INSL6: variants seen among roughly 807,000 people sequenced by gnomAD.
The protein encoded by INSL6 is insulin like 6.
A neutral mutation model predicts 9.4 loss-of-function variants in INSL6; 16 were observed. The observed-to-expected ratio is 1.70, with a 90% CI of 1.15 to 2.59. INSL6 has a LOEUF of 2.59. INSL6 is among the 30% of genes most tolerant of loss of function. The pLI, the probability that INSL6 is intolerant of heterozygous loss-of-function variation, is 0.00. For missense variants in INSL6, 391 were observed against 257.3 expected, an observed-to-expected ratio of 1.52 and a Z score of -3.56; for synonymous variants, 154 against 96.9, an observed-to-expected ratio of 1.59 and a Z score of -3.46.
chr9:5,137,397 G>C (rs1241379407), intron 2 of INSL6, among the ~76,000 whole-genome samples: 2 of 152,128 alleles, frequency 1.3e-5, no homozygotes, highest in East Asian at 1.9e-4. Context: ...TAACAAAACA[G>C]CATGGTATTG....
chr9:5,027,555 T>C, the INSL6 span, among the ~76,000 whole-genome samples: 1 of 152,134 alleles, frequency 6.6e-6, no homozygotes, highest in African/African-American at 2.4e-5. Context: ...ACAATGAAGG[T>C]TGCTGCATCA....
chr9:5,085,097 G>A, the INSL6 span: 1 of 657,910 alleles, frequency 1.5e-6, no homozygotes, highest in Non-Finnish European at 2.9e-6. Context: ...TGGCAGTACT[G>A]CTGGGCAAGG....
chr9:5,022,081 A>G, the INSL6 span: 11 of 1,613,998 alleles, frequency 6.8e-6, no homozygotes, highest in East Asian at 2.2e-5. Context: ...TGCCAATTCT[A>G]TGAAGCAAAT....
chr9:5,174,729 T>G (rs909362785), intron 1 of INSL6, among the ~76,000 whole-genome samples: 6 of 152,230 alleles, frequency 3.9e-5, no homozygotes, highest in African/African-American at 1.4e-4. Context: ...CAGATTTATA[T>G]ACCTTACTTC....
the INSL6 span, among the ~76,000 whole-genome samples, chr9:5,102,044 C>T: frequency 1.7e-4 from 26 of 152,114 alleles, no homozygotes; most frequent in African/African-American, 3.4e-4. Context: ...ATGACTTTGA[C>T]GAGCTGACAG....
chr9:5,084,640 T>C, the INSL6 span, among the ~76,000 whole-genome samples: 12 of 152,212 alleles, frequency 7.9e-5, no homozygotes, highest in Non-Finnish European at 1.5e-5. Context: ...TGTTTTTTGC[T>C]TTCTTCCTTT....
the INSL6 span, among the ~76,000 whole-genome samples, chr9:4,996,702 C>G: frequency 6.6e-6 from 1 of 151,872 alleles, no homozygotes; most frequent in African/African-American, 2.4e-5. Context: ...GCCTTCACCC[C>G]TACCCCTCCC....
the INSL6 span, among the ~76,000 whole-genome samples, chr9:5,010,209 G>A: frequency 9.9e-5 from 15 of 152,138 alleles, no homozygotes; most frequent in East Asian, 9.6e-4. Context: ...CCATGAATTC[G>A]TTTATATAAA....
intron 2 of INSL6, among the ~76,000 whole-genome samples, chr9:5,147,027 A>G (rs758452946): frequency 1.1e-4 from 17 of 152,136 alleles, no homozygotes; most frequent in Non-Finnish European, 1.8e-4. Context: ...ACCAGGTCCA[A>G]CAGTTTCCCT....
chr9:5,123,682 G>C (rs1823781899), downstream of INSL6, among the ~76,000 whole-genome samples: 1 of 151,848 alleles, frequency 6.6e-6, no homozygotes, highest in African/African-American at 2.4e-5. Flanking sequence ...TGGGAATGCT[G>C]GATCGAATGG....
At chr9:5,157,932 A>T (rs1214245328) in intron 2 of INSL6, among the ~76,000 whole-genome samples, 1 of 152,166 alleles carries the variant, frequency 6.6e-6, no homozygotes, top group Non-Finnish European at 1.5e-5. Flanking sequence ...TTTTAAGGAA[A>T]CCCAAATAAA....
chr9:5,010,087 T>A, the INSL6 span, among the ~76,000 whole-genome samples: 1 of 152,332 alleles, frequency 6.6e-6, no homozygotes, highest in East Asian at 1.9e-4. Flanking sequence ...ATGTTTTAAA[T>A]AGAGTCTATT....
At chr9:5,111,800 G>A in the INSL6 span, 4 of 423,442 alleles carry the variant, frequency 9.4e-6, no homozygotes, top group African/African-American at 2.1e-5. Flanking sequence ...CTTGGCCCCC[G>A]GAGCCACGTA....
At chr9:5,020,056 G>T in the INSL6 span, among the ~76,000 whole-genome samples, 1 of 152,180 alleles carries the variant, frequency 6.6e-6, no homozygotes, top group Non-Finnish European at 1.5e-5. Flanking sequence ...GCAGTGATGG[G>T]CTGGGCAGCT....
At chr9:4,999,956 A>T in the INSL6 span, among the ~76,000 whole-genome samples, 4 of 152,180 alleles carry the variant, frequency 2.6e-5, no homozygotes, top group African/African-American at 9.7e-5. Flanking sequence ...GGGTATTGGC[A>T]TTCTTCTTGT....
the INSL6 span, chr9:5,089,876 T>A: frequency 7.0e-7 from 1 of 1,438,254 alleles, no homozygotes; most frequent in African/African-American, 1.5e-5. Flanking sequence ...AAGCTGCCCA[T>A]TGAAACCTAT....
intron 1 of INSL6, among the ~76,000 whole-genome samples, chr9:5,184,011 T>G (rs1825513034): frequency 6.6e-6 from 1 of 152,192 alleles, no homozygotes; most frequent in African/African-American, 2.4e-5. Flanking sequence ...CTTCCTTCAT[T>G]ATAACAGAAG....
At chr9:5,000,040 T>A in the INSL6 span, among the ~76,000 whole-genome samples, 3 of 152,222 alleles carry the variant, frequency 2.0e-5, no homozygotes, top group Non-Finnish European at 4.4e-5. Context: ...TTCTTAATTA[T>A]GTTGACCATG....
At chr9:5,028,136 T>C in the INSL6 span, among the ~76,000 whole-genome samples, 6 of 152,340 alleles carry the variant, frequency 3.9e-5, no homozygotes, top group South Asian at 4.1e-4. Flanking sequence ...TAAATGTGTT[T>C]CCCAAATAAT....
Sources: gnomAD v4.1 joint callset for allele counts (sites outside exome capture counted in the v4.1 genomes callset) on GRCh38, gnomAD v4.1.1 for gene constraint, MANE v1.5 for transcripts, NCBI Gene and HGNC (gene_info 2026-07-23, HGNC 2026-07-21) for gene names.